NECAB1: variants seen among roughly 807,000 people sequenced by gnomAD.
NECAB1 encodes N-terminal EF-hand calcium-binding protein 1.
A neutral mutation model predicts 57.5 loss-of-function variants in NECAB1; 29 were observed. The ratio of observed to expected loss-of-function variants is 0.50; its 90% CI spans 0.38 to 0.69. The LOEUF (loss-of-function observed/expected upper bound fraction) is 0.69. Ranked by LOEUF, NECAB1 falls within the 30% of genes least tolerant of loss-of-function variation. NECAB1 has a pLI of 0.00. For missense variants in NECAB1, 372 were observed against 413.8 expected (o/e 0.90, Z 0.88); for synonymous variants, 142 against 147.7 (o/e 0.96, Z 0.28).
rs775019296 is a variant in NECAB1, at chr8:90,824,779, G to C, written c.187G>C (p.Glu63Gln). 1.3e-6 allele frequency: 2 copies of C among 1,553,210 alleles called. No individual in the cohort carries two copies. Among genetic ancestry groups the C allele is most frequent in the South Asian group, 2.4e-5 (2 of 82,878 alleles). The change falls in exon 3 of 13, where the codon GAA becomes CAA. Residue 63 changes from glutamate to glutamine, a missense_variant. Physicochemically the swap from Glu to Gln is conservative, Grantham distance 29 (BLOSUM62 2). Coordinates refer to ENST00000417640, the MANE Select transcript of NECAB1 (RefSeq NM_022351.5). ...AYFADGVLSGEELHELFHTID... is the reference protein window; with the variant it reads ...AYFADGVLSGQELHELFHTID... ...TTTTGCAGATGGTGTTCTCAGTGGA[G>C]AAGAATTACACGAGCTTTTCCATAC...
chr8:90,959,177 G>T lies in NECAB1; in HGVS notation c.*3665G>T. 2.4e-6 allele frequency: 1 copy of T among 417,558 alleles called. No individual in the cohort carries two copies. The highest frequency in any genetic ancestry group is 4.6e-5 in the South Asian group (1 of 21,950). The allele number at this position is 417,558 out of a possible 1,614,324, so 25.9% of individuals were successfully genotyped here. On this transcript the variant is annotated 3_prime_UTR_variant, in exon 13 of 13. Coordinates refer to ENST00000417640, the MANE Select transcript of NECAB1 (RefSeq NM_022351.5). ...AGAAACTATTAAAGTAACTAGAACT[G>T]TCAAATAACAAAACGGCTCATGTTT...
At chr8:90,806,121 A>G (rs1811842778) in intron 2 of NECAB1, among the ~76,000 whole-genome samples, 2 of 152,226 alleles carry the variant, frequency 1.3e-5, no homozygotes, top group South Asian at 2.1e-4. Flanking sequence ...GAATAGCACC[A>G]TTGGATTCCT....
chr8:90,925,048 G>A (rs901137741), intron 6 of NECAB1, among the ~76,000 whole-genome samples: 3 of 151,912 alleles, frequency 2.0e-5, no homozygotes, highest in Non-Finnish European at 4.4e-5. Flanking sequence ...GCTAAAAAGT[G>A]TTGCCTTTTT....
chr8:90,797,501 G>A lies in NECAB1; in HGVS notation c.100-4190G>A, dbSNP rs554201377. On this transcript the variant is annotated intron_variant, in intron 1 of 12. Transcript: ENST00000417640. ...AAATGATTGCTCATGTTTCAAGCTG[G>A]CCAGCAAGAAGTGACGATCTAAATA... Among the ~76,000 whole-genome samples the A allele has an allele frequency of 2.6e-5, 4 of 152,254 alleles. No homozygotes were observed. The South Asian group carries it at 6.2e-4, about 24-fold the overall frequency.
chr8:90,858,118 A>C (rs532503767), intron 3 of NECAB1, among the ~76,000 whole-genome samples: 2 of 152,346 alleles, frequency 1.3e-5, no homozygotes, highest in Non-Finnish European at 2.9e-5. Flanking sequence ...CTTAAACAAC[A>C]ATGAAAATCT....
chr8:90,916,538 A>G (rs1809956960), intron 5 of NECAB1, among the ~76,000 whole-genome samples: 2 of 152,176 alleles, frequency 1.3e-5, no homozygotes, highest in African/African-American at 4.8e-5. Context: ...CCATAAAAAA[A>G]TTTTGTTTAG....
chr8:90,921,573 C>G (rs896735673), intron 6 of NECAB1, among the ~76,000 whole-genome samples: 2 of 152,032 alleles, frequency 1.3e-5, no homozygotes, highest in African/African-American at 4.8e-5. Context: ...ACTCTGGAGG[C>G]TGAAGCAGAA....
chr8:90,872,095 A>C, intron 3 of NECAB1, 33 bp from the exon 4 acceptor site: 1 of 1,520,178 alleles, frequency 6.6e-7, no homozygotes, highest in Non-Finnish European at 8.9e-7. Context: ...TACCAAAGTA[A>C]TAACACTGTT....
intron 1 of NECAB1, among the ~76,000 whole-genome samples, chr8:90,797,420 A>C (rs1047843524): frequency 2.0e-5 from 3 of 152,244 alleles, no homozygotes; most frequent in Non-Finnish European, 4.4e-5. Context: ...TGGCAGAATG[A>C]AAGGAGGATA....
At chr8:90,886,436 TTAAG>T (rs758017660) in intron 5 of NECAB1, among the ~76,000 whole-genome samples, 3 of 152,204 alleles carry the variant, frequency 2.0e-5, no homozygotes, top group Non-Finnish European at 4.4e-5. Flanking sequence ...TTTTCTAGTA[TTAAG>T]TATTATTAAC....
At chr8:90,911,796 G>C (rs1809837260) in intron 5 of NECAB1, among the ~76,000 whole-genome samples, 1 of 152,104 alleles carries the variant, frequency 6.6e-6, no homozygotes, top group Non-Finnish European at 1.5e-5. Context: ...TTGAGCCAAT[G>C]ATCTGTCCAT....
intron 7 of NECAB1, among the ~76,000 whole-genome samples, chr8:90,926,093 T>C (rs1388515037): frequency 6.6e-6 from 1 of 152,222 alleles, no homozygotes; most frequent in East Asian, 1.9e-4. Flanking sequence ...TTGAAGTTTG[T>C]AATGTGATAT....
At chr8:90,843,342 T>C (rs1812489155) in intron 3 of NECAB1, among the ~76,000 whole-genome samples, 1 of 152,208 alleles carries the variant, frequency 6.6e-6, no homozygotes, top group South Asian at 2.1e-4. Flanking sequence ...TAATTGCTGG[T>C]CTCTTTCCCC....
chr8:90,954,831 C>T (rs1175241885), intron 12 of NECAB1, among the ~76,000 whole-genome samples: 1 of 147,404 alleles, frequency 6.8e-6, no homozygotes, highest in Non-Finnish European at 1.5e-5. Context: ...ATATATTATA[C>T]ATAAGCTGCA....
intron 3 of NECAB1, among the ~76,000 whole-genome samples, chr8:90,864,986 G>A (rs1808483810): frequency 6.6e-6 from 1 of 152,052 alleles, no homozygotes; most frequent in Non-Finnish European, 1.5e-5. Context: ...TTAGACTGGG[G>A]TGGGGCGCAA....
At chr8:90,943,358 G>C (rs1810721796) in intron 10 of NECAB1, among the ~76,000 whole-genome samples, 1 of 152,140 alleles carries the variant, frequency 6.6e-6, no homozygotes, top group Admixed American at 6.5e-5. Context: ...TCTTATTGCT[G>C]ATTTTTCAGG....
intron 12 of NECAB1, among the ~76,000 whole-genome samples, chr8:90,952,937 A>G (rs1259802404): frequency 6.6e-6 from 1 of 152,208 alleles, no homozygotes; most frequent in South Asian, 2.1e-4. Context: ...ACCCTATTAC[A>G]GTATTACTAT....
chr8:90,846,003 C>A (rs1812549367), intron 3 of NECAB1, among the ~76,000 whole-genome samples: 1 of 152,164 alleles, frequency 6.6e-6, no homozygotes, highest in African/African-American at 2.4e-5. Context: ...GAAGTGCCAC[C>A]TGGTACATCT....
chr8:90,917,436 AT>A, intron 5 of NECAB1, 55 bp from the exon 6 acceptor site: 1 of 1,464,076 alleles, frequency 6.8e-7, no homozygotes, highest in Non-Finnish European at 9.1e-7. Flanking sequence ...AAAAAAAAAA[AT>A]CCTGGGTATT....
Sources: gnomAD v4.1 joint callset for allele counts (sites outside exome capture counted in the v4.1 genomes callset) on GRCh38, gnomAD v4.1.1 for gene constraint, MANE v1.5 for transcripts, NCBI Gene and HGNC (gene_info 2026-07-23, HGNC 2026-07-21) for gene names.